Variants in AMOTL1 observed in about 807,000 individuals in gnomAD.
AMOTL1 encodes angiomotin like 1.
Under a neutral mutation model 102.9 loss-of-function variants are expected in AMOTL1, and 45 were observed. That is an observed-to-expected ratio of 0.44 (90% CI 0.34 to 0.56). The LOEUF (loss-of-function observed/expected upper bound fraction) is 0.56. Ranked by LOEUF, AMOTL1 falls within the 20% of genes least tolerant of loss-of-function variation. AMOTL1 has a pLI of 0.01. For missense variants in AMOTL1, 1,114 were observed against 1,225.6 expected (o/e 0.91, Z 1.36); for synonymous variants, 481 against 484.7 (o/e 0.99, Z 0.10).
intron 3 of AMOTL1, among the ~76,000 whole-genome samples, chr11:94,804,117 C>T (rs1396226142): frequency 6.6e-6 from 1 of 152,066 alleles, no homozygotes; most frequent in Admixed American, 6.5e-5. Context: ...TTTTGGCTTC[C>T]TTAGGAATCA....
At chr11:94,805,857 G>A (rs1311737912) in intron 3 of AMOTL1, among the ~76,000 whole-genome samples, 2 of 152,152 alleles carry the variant, frequency 1.3e-5, no homozygotes, top group Non-Finnish European at 2.9e-5. Context: ...AAAGCCAGAG[G>A]AGCTGTGGAT....
At position 94,768,463 on chromosome 11, in the gene AMOTL1, C is replaced by A; in HGVS notation, c.-49C>A. 1 of 1,560,410 alleles carries A rather than the reference C, an allele frequency of 6.4e-7. No individual in the cohort carries two copies. Among genetic ancestry groups the A allele is most frequent in the South Asian group, 1.2e-5 (1 of 84,286 alleles). ...TCCGGCGCCACTTCCCCGCGCTGCCCGGCAGCCGTCTTCCCCAGCCGAGGG... is the reference window on the plus strand; with the variant it reads ...TCCGGCGCCACTTCCCCGCGCTGCCAGGCAGCCGTCTTCCCCAGCCGAGGG... On this transcript the variant is annotated 5_prime_UTR_variant, in exon 1 of 13. Transcript: ENST00000433060.
At chr11:94,750,540 G>A (rs954437608) in intron 3 of AMOTL1, among the ~76,000 whole-genome samples, 5 of 152,182 alleles carry the variant, frequency 3.3e-5, no homozygotes, top group African/African-American at 1.2e-4. Flanking sequence ...TAGGTTTTGG[G>A]ATTGGGTGGG....
At chr11:94,846,598 G>A (rs929316064) in intron 6 of AMOTL1, among the ~76,000 whole-genome samples, 1 of 152,218 alleles carries the variant, frequency 6.6e-6, no homozygotes, top group South Asian at 2.1e-4. Context: ...ACATGTGAAT[G>A]TAATTGCTAT....
chr11:94,735,250 C>T (rs916448832), intron 2 of AMOTL1, among the ~76,000 whole-genome samples: 1 of 152,180 alleles, frequency 6.6e-6, no homozygotes, highest in African/African-American at 2.4e-5. Context: ...GGCAGGTTCC[C>T]GGCTTACAGC....
intron 6 of AMOTL1, among the ~76,000 whole-genome samples, chr11:94,842,032 G>GT (rs1327801019): frequency 6.6e-6 from 1 of 152,160 alleles, no homozygotes; most frequent in Non-Finnish European, 1.5e-5. Flanking sequence ...TTATAACTAT[G>GT]TTAAGACAAA....
At chr11:94,717,979 A>T (rs1950121275) in intron 1 of AMOTL1, among the ~76,000 whole-genome samples, 1 of 151,976 alleles carries the variant, frequency 6.6e-6, no homozygotes, top group Admixed American at 6.5e-5. Flanking sequence ...CTCATTATTT[A>T]AAAAATTACA....
intron 6 of AMOTL1, 40 bp from the exon 7 acceptor site, chr11:94,850,074 A>G (rs1952500157): frequency 6.4e-7 from 1 of 1,555,686 alleles, no homozygotes; most frequent in Non-Finnish European, 8.7e-7. Context: ...AGGGTGTGCA[A>G]TTTCTGATAG....
intron 3 of AMOTL1, among the ~76,000 whole-genome samples, chr11:94,804,815 T>G (rs1304216229): frequency 2.6e-5 from 4 of 152,232 alleles, no homozygotes. Context: ...TCTTCACCCT[T>G]AGCAGGTGAG....
intron 2 of AMOTL1, among the ~76,000 whole-genome samples, chr11:94,731,936 C>T (rs550812098): frequency 3.9e-5 from 6 of 152,282 alleles, no homozygotes; most frequent in Non-Finnish European, 8.8e-5. Flanking sequence ...CTGAGCAGGG[C>T]CAGAAAATAA....
At chr11:94,835,123 T>A (rs1952151188) in intron 6 of AMOTL1, among the ~76,000 whole-genome samples, 1 of 152,252 alleles carries the variant, frequency 6.6e-6, no homozygotes. Context: ...ACATTCTCTT[T>A]GGAGGAATTC....
At chr11:94,831,658 T>A in intron 6 of AMOTL1, 117 bp downstream of exon 6, 1 of 872,692 alleles carries the variant, frequency 1.1e-6, no homozygotes, top group Non-Finnish European at 1.8e-6. Context: ...TTTGTTAATT[T>A]AGCATACAAC....
intron 1 of AMOTL1, among the ~76,000 whole-genome samples, chr11:94,772,884 A>G (rs1266515938): frequency 1.3e-5 from 2 of 152,082 alleles, no homozygotes; most frequent in African/African-American, 2.4e-5. Flanking sequence ...ACTATTTTTT[A>G]TTTTAGTTGT....
rs1950993125 is a variant in AMOTL1, at chr11:94,774,206, G to A, written c.49+5646G>A. Among the ~76,000 whole-genome samples the A allele has an allele frequency of 3.3e-5, 5 of 152,248 alleles. No homozygotes were observed. The South Asian group carries it at 1.0e-3, about 31-fold the overall frequency. ...GGAACCCCTGTTCTTACTCATGGAA[G>A]TGTTCCTTTTCACAGTTGGGAGCGC... On this transcript the variant is annotated intron_variant, in intron 1 of 12. Coordinates refer to ENST00000433060, the MANE Select transcript of AMOTL1 (RefSeq NM_130847.3).
chr11:94,850,688 A>T (rs1342667252), intron 7 of AMOTL1, among the ~76,000 whole-genome samples: 3 of 152,144 alleles, frequency 2.0e-5, no homozygotes, highest in Admixed American at 2.0e-4. Context: ...CTATAGATGA[A>T]GAAGAAGAAA....
rs1476703905 is a variant in AMOTL1 at position 94,871,825 on chromosome 11, T to C, written c.*1030T>C. The C allele has an allele frequency of 6.6e-6, 1 of 152,132 alleles. No homozygotes were observed. Among genetic ancestry groups the C allele is most frequent in the Non-Finnish European group, 1.5e-5 (1 of 68,038 alleles). 9.4% of individuals were successfully genotyped at this position (152,132 alleles called of 1,614,324 possible). A position where few individuals can be genotyped will look rare whatever the true frequency, so the allele number is the denominator to read the frequency against. ...TGCAAGGAGCTTGACATTTCCAAAT[T>C]CCATTGCTCTGTTTGGGGAAGACTT... is the stretch of plus-strand genomic sequence containing the variant. On this transcript the variant is annotated 3_prime_UTR_variant, in exon 13 of 13. Transcript: ENST00000433060.
intron 3 of AMOTL1, among the ~76,000 whole-genome samples, chr11:94,817,768 A>G (rs2135617708): frequency 6.6e-6 from 1 of 152,336 alleles, no homozygotes; most frequent in African/African-American, 2.4e-5. Flanking sequence ...AGACTGTGAC[A>G]CTAGAATAGA....
chr11:94,738,719 A>G (rs1950473261), intron 2 of AMOTL1, among the ~76,000 whole-genome samples: 1 of 152,218 alleles, frequency 6.6e-6, no homozygotes, highest in South Asian at 2.1e-4. Flanking sequence ...TGAAACTGGA[A>G]ACTAAAGTCC....
At chr11:94,760,727 T>C (rs764518870) in intron 3 of AMOTL1, among the ~76,000 whole-genome samples, 2 of 152,242 alleles carry the variant, frequency 1.3e-5, no homozygotes, top group African/African-American at 2.4e-5. Context: ...TAGTTTGTAA[T>C]TGTAGACTTC....
Sources: allele counts gnomAD v4.1 joint callset (sites outside exome capture counted in the v4.1 genomes callset), GRCh38; gene constraint gnomAD v4.1.1; transcripts MANE v1.5; gene names NCBI Gene and HGNC (gene_info 2026-07-23, HGNC 2026-07-21).